Variants in PHLPP2 observed in about 807,000 individuals in gnomAD.
The protein encoded by PHLPP2 is PH domain and leucine rich repeat protein phosphatase 2.
PHLPP2 carries 66 observed loss-of-function variants against 124.9 expected under a neutral mutation model. That is an observed-to-expected ratio of 0.53 (90% CI 0.43 to 0.65). The LOEUF is 0.65. PHLPP2 is among the 30% of genes least tolerant of loss of function. PHLPP2 has a pLI of 0.00. For missense variants in PHLPP2, 1,685 were observed against 1,600.4 expected, an observed-to-expected ratio of 1.05 and a Z score of -0.90; for synonymous variants, 681 against 624.7, an observed-to-expected ratio of 1.09 and a Z score of -1.34.
At position 71,678,995 on chromosome 16, in the gene PHLPP2, G is replaced by GAAAACA. The variant is rs1567619303; in HGVS notation, c.1038-16_1038-11dup. The GAAAACA allele has an allele frequency of 6.9e-7, 1 of 1,458,046 alleles. No individual in the cohort carries two copies. Among genetic ancestry groups the GAAAACA allele is most frequent in the Non-Finnish European group, 9.6e-7 (1 of 1,042,204 alleles). 90.3% of individuals were successfully genotyped at this position (1,458,046 alleles called of 1,614,324 possible). A position where few individuals can be genotyped will look rare whatever the true frequency, so the allele number is the denominator to read the frequency against. On this transcript the variant is annotated splice_polypyrimidine_tract_variant and intron_variant, in intron 7 of 18. Transcript: ENST00000568954. ...ACAGAGGGTTTGAAGACTATAGGAA[G>GAAAACA]AAAACAAAACAAGTCTACTTTATGA... is the stretch of plus-strand genomic sequence containing the variant.
chr16:71,706,394 C>T (rs2045274449), intron 2 of PHLPP2, among the ~76,000 whole-genome samples: 1 of 152,106 alleles, frequency 6.6e-6, no homozygotes, highest in African/African-American at 2.4e-5. Flanking sequence ...AAATTTCATT[C>T]CAAGTATCAT....
chr16:71,722,318 T>C (rs532311585), intron 1 of PHLPP2, among the ~76,000 whole-genome samples: 26 of 151,998 alleles, frequency 1.7e-4, no homozygotes, highest in Non-Finnish European at 2.6e-4. Context: ...CCCGTGATCC[T>C]AGCTACTCAA....
intron 4 of PHLPP2, among the ~76,000 whole-genome samples, chr16:71,688,038 C>A (rs990336682): frequency 1.3e-5 from 2 of 152,204 alleles, no homozygotes; most frequent in African/African-American, 4.8e-5. Flanking sequence ...CTTCCTCAAA[C>A]GTTACACTGG....
At chr16:71,706,106 G>T (rs368329779) in intron 2 of PHLPP2, among the ~76,000 whole-genome samples, 56 of 152,290 alleles carry the variant, frequency 3.7e-4, no homozygotes, top group African/African-American at 1.3e-3. Flanking sequence ...AGTAATACTG[G>T]CAACAAAAAG....
At chr16:71,685,765 C>A (rs951406088) in intron 4 of PHLPP2, among the ~76,000 whole-genome samples, 5 of 152,136 alleles carry the variant, frequency 3.3e-5, no homozygotes, top group Non-Finnish European at 7.3e-5. Context: ...TACAGAGAAT[C>A]ATATAATGTC....
chr16:71,706,274 G>A (rs989606461), intron 2 of PHLPP2, among the ~76,000 whole-genome samples: 9 of 142,674 alleles, frequency 6.3e-5, no homozygotes, highest in Admixed American at 4.3e-4. Context: ...ACCAGCCAAC[G>A]GACATAGCAA....
At chr16:71,663,332 C>T (rs931689443) in intron 13 of PHLPP2, among the ~76,000 whole-genome samples, 6 of 152,198 alleles carry the variant, frequency 3.9e-5, no homozygotes, top group Admixed American at 6.5e-5. Flanking sequence ...AGGCTGGTCT[C>T]GAACTCACGA....
At chr16:71,672,551 T>G (rs2044904717) in intron 9 of PHLPP2, among the ~76,000 whole-genome samples, 2 of 152,264 alleles carry the variant, frequency 1.3e-5, no homozygotes, top group South Asian at 4.1e-4. Context: ...CTGCACTGCC[T>G]TTATACAATA....
At chr16:71,698,287 C>T (rs2145364301) in intron 3 of PHLPP2, among the ~76,000 whole-genome samples, 1 of 152,340 alleles carries the variant, frequency 6.6e-6, no homozygotes, top group South Asian at 2.1e-4. Flanking sequence ...AGCTGCTTCT[C>T]AGCCCCCATG....
intron 1 of PHLPP2, chr16:71,723,871 C>A: frequency 3.4e-6 from 4 of 1,172,498 alleles, no homozygotes; most frequent in Non-Finnish European, 4.2e-6. Flanking sequence ...CCCCCATCGG[C>A]GACCCAGGAT....
chr16:71,709,809 TG>T (rs2045311741), intron 2 of PHLPP2, among the ~76,000 whole-genome samples: 1 of 152,164 alleles, frequency 6.6e-6, no homozygotes, highest in African/African-American at 2.4e-5. Context: ...AATCCTTGGC[TG>T]TACAAGGTTG....
intron 12 of PHLPP2, chr16:71,666,161 G>A (rs963291152): frequency 6.6e-6 from 1 of 152,030 alleles, no homozygotes; most frequent in African/African-American, 2.4e-5. Context: ...CCCTGAGCAA[G>A]GATGACAGGC....
chr16:71,661,067 C>CT (rs34708544), intron 13 of PHLPP2, among the ~76,000 whole-genome samples: 4,686 of 132,260 alleles, frequency 0.035, 254 homozygotes, highest in African/African-American at 0.11. Context: ...TTGTCTTTGT[C>CT]TTTTTTTTTT....
intron 2 of PHLPP2, among the ~76,000 whole-genome samples, chr16:71,704,246 C>T (rs1012748780): frequency 6.8e-6 from 1 of 146,484 alleles, no homozygotes; most frequent in Non-Finnish European, 1.5e-5. Context: ...GGGAGAAGAG[C>T]TTGCAGTGAG....
intron 14 of PHLPP2, 135 bp downstream of exon 14, chr16:71,658,518 G>A (rs1475479776): frequency 8.4e-6 from 10 of 1,196,444 alleles, no homozygotes; most frequent in South Asian, 3.1e-5. Context: ...GAGCACATAA[G>A]AAGACAATAA....
chr16:71,684,892 G>A (rs375464719), intron 4 of PHLPP2, among the ~76,000 whole-genome samples: 25 of 151,940 alleles, frequency 1.6e-4, no homozygotes, highest in Non-Finnish European at 3.4e-4. Context: ...AGTCCACTAT[G>A]TCCCCCTTAC....
At position 71,652,860 on chromosome 16, in the gene PHLPP2, T is replaced by C; in HGVS notation, c.2747A>G (p.Lys916Arg). Residue 916 changes from lysine (K) to arginine (R), a missense_variant, in exon 18 of 19, where the codon AAA becomes AGA. Lys to Arg is a conservative substitution (Grantham distance 26). Transcript: ENST00000568954. ...CRGGKPVPLS[K>R]VFSLEQDPEE... ...TGGGTCCTGCTCCAGGCTGAAGACT[T>C]TAGAGAGGGGCACTGGCTTCCCACC... is the stretch of plus-strand genomic sequence containing the variant. 1 of 1,614,084 alleles carries C rather than the reference T, an allele frequency of 6.2e-7. No individual in the cohort carries two copies. The highest frequency in any genetic ancestry group is 8.5e-7 in the Non-Finnish European group (1 of 1,180,024).
At chr16:71,654,712 C>T (rs958829121) in intron 17 of PHLPP2, among the ~76,000 whole-genome samples, 1 of 152,200 alleles carries the variant, frequency 6.6e-6, no homozygotes, top group African/African-American at 2.4e-5. Context: ...ACCACATTTT[C>T]AACTTATGAT....
Position 71,684,591 on chromosome 16 carries a change from A to C in PHLPP2, c.620T>G (p.Val207Gly), listed in dbSNP as rs894867850. 3.1e-6 allele frequency: 5 copies of C among 1,612,302 alleles called. No individual in the cohort carries two copies. In the Admixed American group the frequency reaches 6.7e-5, roughly 22 times the overall value. The part of the protein sequence containing the change: ...LPLVGGKIEE[V>G]KRRQYSLAFS... ...AGCAAGGGAGTATTGCCGTCGCTTC[A>C]CTTCTTCTATCTGAAGAAGAGGAGG... is the stretch of plus-strand genomic sequence containing the variant. The change falls in exon 5 of 19, where the codon GTG becomes GGG. Residue 207 changes from valine (V) to glycine (G), a missense_variant. Coordinates refer to ENST00000568954, the MANE Select transcript of PHLPP2 (RefSeq NM_015020.3).
Sources: allele counts gnomAD v4.1 joint callset (sites outside exome capture counted in the v4.1 genomes callset), GRCh38; gene constraint gnomAD v4.1.1; transcripts MANE v1.5; gene names NCBI Gene and HGNC (gene_info 2026-07-23, HGNC 2026-07-21).